Variants in SPAG9 observed in about 807,000 individuals in gnomAD.
SPAG9 encodes C-Jun-amino-terminal kinase-interacting protein 4.
Under a neutral mutation model 166.5 loss-of-function variants are expected in SPAG9, and 35 were observed. That is an observed-to-expected ratio of 0.21 (90% CI 0.16 to 0.28). The LOEUF is 0.28. Among genes scored for constraint, SPAG9 ranks in the 10% least tolerant of loss-of-function variants. The probability of loss-of-function intolerance (pLI) is 1.00; values close to 1 mark genes in which losing one functional copy is unlikely to be tolerated. For missense variants in SPAG9, 1,235 were observed against 1,603.3 expected (o/e 0.77, Z 3.92); for synonymous variants, 534 against 565.5 (o/e 0.94, Z 0.79).
chr17:51,002,988 TAAA>T (rs79811826), intron 12 of SPAG9, among the ~76,000 whole-genome samples: 4 of 130,586 alleles, frequency 3.1e-5, no homozygotes, highest in Non-Finnish European at 1.7e-5. Context: ...AGGCTGAAGT[TAAA>T]AAAAAAAAAA....
At chr17:51,029,072 C>T (rs1299427015) in intron 6 of SPAG9, among the ~76,000 whole-genome samples, 3 of 152,084 alleles carry the variant, frequency 2.0e-5, no homozygotes, top group Non-Finnish European at 4.4e-5. Context: ...TAGGGAACTG[C>T]CACATCATAG....
chr17:51,106,102 T>TACACACACACACACAC lies in SPAG9; in HGVS notation c.303+14236_303+14251dup, dbSNP rs71149344. Among the ~76,000 whole-genome samples, 404 of 110,642 alleles carry TACACACACACACACAC rather than the reference T, an allele frequency of 3.7e-3. 2 individuals are homozygous for TACACACACACACACAC. The highest frequency in any genetic ancestry group is 5.8e-3 in the Admixed American group (59 of 10,182). 72.6% of individuals were successfully genotyped at this position (110,642 alleles called of 152,430 possible). On this transcript the variant is annotated intron_variant, in intron 1 of 29. Transcript: ENST00000262013. ...GGCAACACAGCAAGACCCCCATCTC[T>TACACACACACACACAC]ACACACACACACACACACACACACA... is the stretch of plus-strand genomic sequence containing the variant.
intron 1 of SPAG9, among the ~76,000 whole-genome samples, chr17:51,102,764 A>G (rs556827929): frequency 6.6e-6 from 1 of 152,184 alleles, no homozygotes; most frequent in African/African-American, 2.4e-5. Flanking sequence ...TCGGCCTCCC[A>G]AAGTGCTGAG....
At chr17:51,063,411 C>CAAA (rs143437430) in intron 2 of SPAG9, among the ~76,000 whole-genome samples, 78 of 98,078 alleles carry the variant, frequency 8.0e-4, no homozygotes, top group African/African-American at 2.5e-3. Flanking sequence ...GACTACATCT[C>CAAA]AAAAAAAAAA....
At chr17:51,098,439 C>T (rs2048705406) in intron 1 of SPAG9, among the ~76,000 whole-genome samples, 1 of 152,048 alleles carries the variant, frequency 6.6e-6, no homozygotes, top group African/African-American at 2.4e-5. Flanking sequence ...CCCTGCCTAG[C>T]AGCACTTCTT....
intron 5 of SPAG9, 94 bp downstream of exon 5, chr17:51,041,407 A>G (rs986999668): frequency 2.4e-5 from 28 of 1,169,510 alleles, no homozygotes; most frequent in Non-Finnish European, 3.1e-5. Context: ...ACAAACAATT[A>G]CATTTTACTA....
At position 51,001,825 on chromosome 17, in the gene SPAG9, C is replaced by T. The variant is rs981339974; in HGVS notation, c.1497G>A (p.Gln499=). ...DDDDSDIPTA[Q]RKRFTRVEMA... ...TTTCTACTCTAGTAAACCGTTTCCT[C>T]TGGGCTGTGGGAATATCACTCTATA... Residue 499 remains glutamine (Q), a synonymous_variant, in exon 13 of 30, where the codon CAG becomes CAA. Transcript: ENST00000262013. The T allele has an allele frequency of 6.8e-6, 11 of 1,613,410 alleles. No individual in the cohort carries two copies. Among genetic ancestry groups the T allele is most frequent in the Non-Finnish European group, 9.3e-6 (11 of 1,179,686 alleles).
Position 51,077,085 on chromosome 17 carries a change from GCTAGCTATCTATCTAGCTAGCTAT to G in SPAG9, c.424+2475_424+2498del, listed in dbSNP as rs1428007371. ...ATCTAGCTAGCTATCTAGCTATCTA[GCTAGCTATCTATCTAGCTAGCTAT>G]CTAGCTATCTAGCTAGCTATCTATC... On this transcript the variant is annotated intron_variant, in intron 2 of 29. Coordinates refer to ENST00000262013, the MANE Select transcript of SPAG9 (RefSeq NM_001130528.3). 2.3e-4 allele frequency among the ~76,000 whole-genome samples: 25 copies of G among 109,628 alleles called. 1 individual carries two copies. The highest frequency in any genetic ancestry group is 7.5e-4 in the Admixed American group (9 of 11,944). The allele number at this position is 109,628 out of a possible 152,430, so 71.9% of individuals were successfully genotyped here. A position where few individuals can be genotyped will look rare whatever the true frequency, so the allele number is the denominator to read the frequency against.
chr17:51,095,912 GAT>G lies in SPAG9; in HGVS notation c.304-16210_304-16209del, dbSNP rs554956506. Among the ~76,000 whole-genome samples, 477 of 134,580 alleles carry G rather than the reference GAT, an allele frequency of 3.5e-3. 7 individuals carry two copies. Among genetic ancestry groups the G allele is most frequent in the African/African-American group, 0.011 (377 of 35,246 alleles). The allele number at this position is 134,580 out of a possible 152,430, so 88.3% of individuals were successfully genotyped here. ...TGATATATACAGTGATATATATAGTGATATATATATAGTGATATATATAGTGA... is the reference window on the plus strand; with the variant it reads ...TGATATATACAGTGATATATATAGTGATATATATAGTGATATATATAGTGA... On this transcript the variant is annotated intron_variant, in intron 1 of 29. Transcript: ENST00000262013.
chr17:51,053,781 T>C (rs2047246979), intron 3 of SPAG9, among the ~76,000 whole-genome samples: 1 of 138,980 alleles, frequency 7.2e-6, no homozygotes, highest in Non-Finnish European at 1.5e-5. Context: ...GAGGCTGCAG[T>C]GCGCTATGAC....
At chr17:50,997,011 G>A (rs975523528) in intron 15 of SPAG9, among the ~76,000 whole-genome samples, 7 of 152,162 alleles carry the variant, frequency 4.6e-5, no homozygotes, top group South Asian at 2.1e-4. Flanking sequence ...ACGGTAGTGC[G>A]GACCTATAAT....
At chr17:51,030,828 CA>C (rs2046356425) in intron 6 of SPAG9, 1 of 151,886 alleles carries the variant, frequency 6.6e-6, no homozygotes, top group Admixed American at 6.6e-5. Context: ...GGACCCAGGT[CA>C]ACCCCTGACC....
intron 6 of SPAG9, among the ~76,000 whole-genome samples, chr17:51,023,955 T>TG (rs1302203259): frequency 1.3e-5 from 2 of 152,156 alleles, no homozygotes; most frequent in Admixed American, 6.5e-5. Context: ...CGTGAGCCAT[T>TG]GCGCCCAGCC....
intron 1 of SPAG9, among the ~76,000 whole-genome samples, chr17:51,080,738 G>T (rs868652131): frequency 6.6e-5 from 10 of 151,922 alleles, no homozygotes; most frequent in African/African-American, 2.4e-4. Context: ...AAAATTAGCT[G>T]GGCATGGTGG....
intron 1 of SPAG9, among the ~76,000 whole-genome samples, chr17:51,115,923 T>C (rs1428502231): frequency 6.6e-6 from 1 of 152,172 alleles, no homozygotes; most frequent in Non-Finnish European, 1.5e-5. Context: ...TACTGAATGA[T>C]GCTAAATGAG....
At position 50,989,768 on chromosome 17, in the gene SPAG9, T is replaced by A. The variant is rs1185324942; in HGVS notation, c.2722A>T (p.Ile908Phe). 6.2e-7 allele frequency: 1 copy of A among 1,614,186 alleles called. No homozygotes were observed. The highest frequency in any genetic ancestry group is 8.5e-7 in the Non-Finnish European group (1 of 1,180,026). Residue 908 changes from isoleucine to phenylalanine, a missense_variant, in exon 21 of 30, where the codon ATC becomes TTC. Ile to Phe is a conservative substitution (Grantham distance 21). Around this residue, in one of 6 missense-constraint regions of SPAG9, gnomAD observed 493 missense variants for 559.4 expected, o/e 0.88. Coordinates refer to ENST00000262013, the MANE Select transcript of SPAG9 (RefSeq NM_001130528.3). ...TCTGTGTAGACGCCAGTTTGGGAGATGTCCACTGTGTCTTCAGCTGACCCC... is the reference window on the plus strand; with the variant it reads ...TCTGTGTAGACGCCAGTTTGGGAGAAGTCCACTGTGTCTTCAGCTGACCCC... ...NAGSAEDTVD[I>F]SQTGVYTEHV...
At chr17:51,119,816 T>C (rs570429786) in intron 1 of SPAG9, among the ~76,000 whole-genome samples, 13 of 152,190 alleles carry the variant, frequency 8.5e-5, no homozygotes, top group Admixed American at 2.0e-4. Flanking sequence ...CCAAGGCACA[T>C]AGAACATAAA....
rs565007898 is a variant in SPAG9 at position 51,017,500 on chromosome 17, G to A, written c.1091+2659C>T. ...TGTAGGATCCAGGAAGAAGAGTGGC[G>A]ACAGAATGAGAACCTGTCTGAGAGA... On this transcript the variant is annotated intron_variant, in intron 8 of 29. Transcript: ENST00000262013. Among the ~76,000 whole-genome samples, 8 of 148,246 alleles carry A rather than the reference G, an allele frequency of 5.4e-5. No individual in the cohort carries two copies. The East Asian group carries it at 1.4e-3, about 25-fold the overall frequency.
chr17:51,040,288 T>C (rs1376663030), intron 5 of SPAG9: 2 of 150,648 alleles, frequency 1.3e-5, no homozygotes, highest in Non-Finnish European at 2.9e-5. Context: ...AGTTGCCCAG[T>C]AACATCACTG....
Sources: gnomAD v4.1 joint callset for allele counts (sites outside exome capture counted in the v4.1 genomes callset) on GRCh38, gnomAD v4.1.1 for gene constraint, gnomAD v4.1.1 regional missense constraint, MANE v1.5 for transcripts, NCBI Gene and HGNC (gene_info 2026-07-23, HGNC 2026-07-21) for gene names.